Variants in DNMT3A observed in about 807,000 individuals in gnomAD.
The protein encoded by DNMT3A is DNA methyltransferase 3 alpha, also known as DNA (cytosine-5)-methyltransferase 3A.
In DNMT3A, 267 loss-of-function variants were observed where a neutral mutation model predicts 117.6. The ratio of observed to expected loss-of-function variants is 2.27; its 90% CI spans 2.05 to 2.51. DNMT3A has a LOEUF of 2.51. DNMT3A is among the 30% of genes most tolerant of loss of function. DNMT3A has a pLI of 0.00. For synonymous variants in DNMT3A, 432 were observed against 474.8 expected (o/e 0.91, Z 1.17); for missense variants, 1,029 against 1,260.2 (o/e 0.82, Z 2.78).
rs1167663263 is a variant in DNMT3A at position 25,231,438 on chromosome 2, G to A, written c.*2841C>T. 2 of 152,330 alleles carry A rather than the reference G, an allele frequency of 1.3e-5. No individual in the cohort carries two copies. Among genetic ancestry groups the A allele is most frequent in the African/African-American group, 2.4e-5 (1 of 41,568 alleles). 9.4% of individuals were successfully genotyped at this position (152,330 alleles called of 1,614,324 possible). A position where few individuals can be genotyped will look rare whatever the true frequency, so the allele number is the denominator to read the frequency against. ...CGAGGAGACAGTAGATTGGGGTCCA[G>A]GACCAAGCACCCCAAAAAGGGGTGA... On this transcript the variant is annotated 3_prime_UTR_variant, in exon 23 of 23. Coordinates refer to ENST00000321117, the MANE Select transcript of DNMT3A (RefSeq NM_022552.5).
Position 25,292,121 on chromosome 2 carries a change from C to T in DNMT3A, c.177+8018G>A, listed in dbSNP as rs555449205. 1.2e-4 allele frequency among the ~76,000 whole-genome samples: 18 copies of T among 152,144 alleles called. No homozygotes were observed. In the South Asian group the frequency reaches 3.1e-3, roughly 26 times the overall value. Reference sequence around the variant, plus strand: ...AATACAAAAAAAATGGCCTTTGAGCCCCCTATGCTCAGGCCTGCTCTCACA... The same window carrying T: ...AATACAAAAAAAATGGCCTTTGAGCTCCCTATGCTCAGGCCTGCTCTCACA... On this transcript the variant is annotated intron_variant, in intron 3 of 22. Coordinates refer to ENST00000321117, the MANE Select transcript of DNMT3A (RefSeq NM_022552.5).
Position 25,242,466 on chromosome 2 carries a change from T to C in DNMT3A, c.1937-759A>G, listed in dbSNP as rs570679302. 1.1e-3 allele frequency among the ~76,000 whole-genome samples: 168 copies of C among 152,280 alleles called. 1 individual carries two copies. Among genetic ancestry groups the C allele is most frequent in the African/African-American group, 3.9e-3 (164 of 41,542 alleles). On this transcript the variant is annotated intron_variant, in intron 16 of 22. Transcript: ENST00000321117. ...AACATGTCCCCCAGCCAAGGAGCTT[T>C]TACAGCCTCCTGGGGTGTGACATGA...
chr2:25,326,250 G>A (rs2034786334), intron 1 of DNMT3A, among the ~76,000 whole-genome samples: 1 of 151,546 alleles, frequency 6.6e-6, no homozygotes, highest in African/African-American at 2.4e-5. Flanking sequence ...GTAGTCTTTA[G>A]GTAACAGAAT....
chr2:25,314,347 C>A, intron 1 of DNMT3A, 186 bp from the exon 2 acceptor site: 2 of 985,366 alleles, frequency 2.0e-6, no homozygotes, highest in Non-Finnish European at 2.4e-6. Flanking sequence ...ACCCCAGCAG[C>A]CTCTGAGAGC....
rs56901099 is a variant in DNMT3A, at chr2:25,284,645, T to TAAAAAAAAAAAAAA, written c.178-1948_178-1935dup. Among the ~76,000 whole-genome samples the TAAAAAAAAAAAAAA allele has an allele frequency of 2.5e-3, 41 of 16,642 alleles. 2 individuals carry two copies. The highest frequency in any genetic ancestry group is 3.3e-3 in the Non-Finnish European group (34 of 10,356). The allele number at this position is 16,642 out of a possible 152,430, so 10.9% of individuals were successfully genotyped here. On this transcript the variant is annotated intron_variant, in intron 3 of 22. Coordinates refer to ENST00000321117, the MANE Select transcript of DNMT3A (RefSeq NM_022552.5). Reference sequence around the variant, plus strand: ...CTGGGCAACAGAGTGAGACTCCATCTAAAAAAAAAAAAAAAAAAAAAAAAA... The same window carrying TAAAAAAAAAAAAAA: ...CTGGGCAACAGAGTGAGACTCCATCTAAAAAAAAAAAAAAAAAAAAAAAAAAAAAAAAAAAAAAA...
At position 25,240,705 on chromosome 2, in the gene DNMT3A, AGATCG is replaced by A. The variant is rs1558660155; in HGVS notation, c.2103_2107del (p.Asp702GlyfsTer9). ...ATTGCAGGGACTGCCCCCAATCACC[AGATCG>A]AATGGGCCCCACTCCTGGATCTGGG... On this transcript the variant is annotated frameshift_variant, in exon 18 of 23. Transcript: ENST00000321117. LOFTEE classifies it high-confidence loss of function. 1 of 1,614,216 alleles carries A rather than the reference AGATCG, an allele frequency of 6.2e-7. No individual in the cohort carries two copies. The highest frequency in any genetic ancestry group is 8.5e-7 in the Non-Finnish European group (1 of 1,180,030).
chr2:25,251,326 G>A (rs1675529752), intron 6 of DNMT3A, among the ~76,000 whole-genome samples: 1 of 151,854 alleles, frequency 6.6e-6, no homozygotes, highest in East Asian at 1.9e-4. Flanking sequence ...AAACAGGGGT[G>A]AACTCGAGGC....
chr2:25,288,978 C>G (rs1405876982), intron 3 of DNMT3A, among the ~76,000 whole-genome samples: 1 of 152,218 alleles, frequency 6.6e-6, no homozygotes, highest in African/African-American at 2.4e-5. Context: ...ACTCCTGTCC[C>G]AGCCAATGCA....
In DNMT3A at chr2:25,290,156, A is replaced by ATT. The variant is rs920942545; in HGVS notation, c.178-7447_178-7446dup. Among the ~76,000 whole-genome samples the ATT allele has an allele frequency of 2.2e-4, 33 of 150,220 alleles. 1 individual carries two copies. Among genetic ancestry groups the ATT allele is most frequent in the African/African-American group, 7.8e-4 (32 of 40,874 alleles). On this transcript the variant is annotated intron_variant, in intron 3 of 22. Coordinates refer to ENST00000321117, the MANE Select transcript of DNMT3A (RefSeq NM_022552.5). ...ATTTTTATGGAAGTAATTAAAAAAA[A>ATT]TTTTTTTTTTGAGACAAGGTCTCAC...
intron 6 of DNMT3A, among the ~76,000 whole-genome samples, chr2:25,265,481 T>C (rs937599692): frequency 6.6e-6 from 1 of 152,180 alleles, no homozygotes; most frequent in African/African-American, 2.4e-5. Context: ...GCAACCTACT[T>C]ACCTAGATAA....
intron 6 of DNMT3A, among the ~76,000 whole-genome samples, chr2:25,268,094 G>A (rs928537021): frequency 6.6e-6 from 1 of 152,212 alleles, no homozygotes; most frequent in Non-Finnish European, 1.5e-5. Flanking sequence ...AGCCCTGGGC[G>A]GAGGGAGTGG....
Position 25,281,388 on chromosome 2 carries a change from G to A in DNMT3A, c.448+1053C>T. 1.0e-6 allele frequency: 1 copy of A among 969,646 alleles called. No individual in the cohort carries two copies. The highest frequency in any genetic ancestry group is 1.2e-6 in the Non-Finnish European group (1 of 804,624). The allele number at this position is 969,646 out of a possible 1,614,324, so 60.1% of individuals were successfully genotyped here. A position where few individuals can be genotyped will look rare whatever the true frequency, so the allele number is the denominator to read the frequency against. On this transcript the variant is annotated intron_variant, in intron 4 of 22. Transcript: ENST00000321117. The surrounding 1 kb of genome is among the most constrained non-coding windows in gnomAD (Gnocchi z 4.8). ...AACTAATACAGATTCCCTCTGTAGT[G>A]TTCTGCACATAGTGGGAGCATCATA...
At chr2:25,275,400 A>T (rs2031316179) in intron 5 of DNMT3A, 100 bp downstream of exon 5, 4 of 1,459,206 alleles carry the variant, frequency 2.7e-6, no homozygotes, top group African/African-American at 1.5e-5. Flanking sequence ...TGTGTAAAGA[A>T]GGAGGAGGGG....
rs115181684 is a variant in DNMT3A at position 25,231,483 on chromosome 2, G to T, written c.*2796C>A. On this transcript the variant is annotated 3_prime_UTR_variant, in exon 23 of 23. Coordinates refer to ENST00000321117, the MANE Select transcript of DNMT3A (RefSeq NM_022552.5). ...GGGTGAGACCGGCCACCAGCTGTGT[G>T]AATTTACTCCTGAGTAATGAGCAGG... The T allele has an allele frequency of 6.6e-6, 1 of 152,288 alleles. No homozygotes were observed. Among genetic ancestry groups the T allele is most frequent in the East Asian group, 1.9e-4 (1 of 5,200 alleles). 9.4% of individuals were successfully genotyped at this position (152,288 alleles called of 1,614,324 possible).
intron 6 of DNMT3A, among the ~76,000 whole-genome samples, chr2:25,260,978 G>A (rs137926936): frequency 0.036 from 5,541 of 152,160 alleles, 141 homozygotes; most frequent in Non-Finnish European, 0.059. Context: ...CAGCCTGGGC[G>A]ACAGAGCAAG....
At chr2:25,323,628 G>A (rs1378771097) in intron 1 of DNMT3A, among the ~76,000 whole-genome samples, 1 of 152,220 alleles carries the variant, frequency 6.6e-6, no homozygotes, top group Non-Finnish European at 1.5e-5. Context: ...GCCTGGCACA[G>A]AGAAAGTACT....
At position 25,233,992 on chromosome 2, in the gene DNMT3A, G is replaced by A; in HGVS notation, c.*287C>T. 3.3e-6 allele frequency: 1 copy of A among 302,720 alleles called. No homozygotes were observed. The highest frequency in any genetic ancestry group is 6.0e-6 in the Non-Finnish European group (1 of 165,640). The allele number at this position is 302,720 out of a possible 1,614,324, so 18.8% of individuals were successfully genotyped here. The stretch of plus-strand genomic sequence containing the variant: ...CTCTGAAAAGAGTAGAAAATAAAAG[G>A]TCTGACCGAAAAAAAAGGGAAGGGG... On this transcript the variant is annotated 3_prime_UTR_variant, in exon 23 of 23. Coordinates refer to ENST00000321117, the MANE Select transcript of DNMT3A (RefSeq NM_022552.5).
chr2:25,246,176 A>C lies in DNMT3A; in HGVS notation c.1413T>G (p.Ile471Met), dbSNP rs760524961. 4 of 1,614,008 alleles carry C rather than the reference A, an allele frequency of 2.5e-6. No individual in the cohort carries two copies. The highest frequency in any genetic ancestry group is 3.4e-6 in the Non-Finnish European group (4 of 1,179,940). Residue 471 changes from isoleucine (I) to methionine (M), a missense_variant, in exon 11 of 23, where the codon ATT (isoleucine) becomes ATG (methionine). Transcript: ENST00000321117. The part of the protein sequence containing the change: ...TAEKPKVKEI[I>M]DERTRERLVY... ...GCCAACTACCTCTTGTGCGCTCATCAATAATCTCCTTGACCTTGGGCTTCT... is the reference window on the plus strand; with the variant it reads ...GCCAACTACCTCTTGTGCGCTCATCCATAATCTCCTTGACCTTGGGCTTCT...
At position 25,236,317 on chromosome 2, in the gene DNMT3A, G is replaced by A. The variant is rs1054846915; in HGVS notation, c.2479-492C>T. On this transcript the variant is annotated intron_variant, in intron 21 of 22. Transcript: ENST00000321117. This position sits in a 1 kb window ranked among gnomAD's most constrained non-coding sequence, Gnocchi z 4.5. The stretch of plus-strand genomic sequence containing the variant: ...TGACCTCAGGTGATCCGCCTGCCTC[G>A]GCCTCCCAAAGTATTGGGATTATAG... 2.0e-5 allele frequency among the ~76,000 whole-genome samples: 3 copies of A among 152,128 alleles called. No homozygotes were observed. Among genetic ancestry groups the A allele is most frequent in the Non-Finnish European group, 2.9e-5 (2 of 68,022 alleles).
Sources: gnomAD v4.1 joint callset for allele counts (sites outside exome capture counted in the v4.1 genomes callset) on GRCh38, gnomAD v4.1.1 for gene constraint, Gnocchi (gnomAD v3.1) non-coding constraint, MANE v1.5 for transcripts, NCBI Gene and HGNC (gene_info 2026-07-23, HGNC 2026-07-21) for gene names.